ZNF562: variants seen among roughly 807,000 people sequenced by gnomAD.
ZNF562 encodes zinc finger protein 562.
Under a neutral mutation model 17.5 loss-of-function variants are expected in ZNF562, and 13 were observed. The ratio of observed to expected loss-of-function variants is 0.74; its 90% CI spans 0.48 to 1.18. The LOEUF (loss-of-function observed/expected upper bound fraction) is 1.18. Among genes scored for constraint, ZNF562 ranks in the 50% most tolerant of loss-of-function variants. The pLI is 0.00. For synonymous variants in ZNF562, 163 were observed against 165.4 expected (o/e 0.99, Z 0.11); for missense variants, 481 against 498.5 (o/e 0.96, Z 0.33).
chr19:9,667,075 A>C (rs1264968539), intron 1 of ZNF562, among the ~76,000 whole-genome samples: 2 of 152,172 alleles, frequency 1.3e-5, no homozygotes, highest in Non-Finnish European at 2.9e-5. Context: ...ACAACAACAA[A>C]ACTACACGCC....
At chr19:9,655,360 G>A (rs565098982) in intron 5 of ZNF562, among the ~76,000 whole-genome samples, 3 of 152,038 alleles carry the variant, frequency 2.0e-5, no homozygotes, top group Admixed American at 6.6e-5. Context: ...TGTACTTGTC[G>A]GTATTTTTCA....
intron 1 of ZNF562, among the ~76,000 whole-genome samples, chr19:9,672,796 T>TC (rs1332057387): frequency 6.7e-6 from 1 of 150,348 alleles, no homozygotes; most frequent in African/African-American, 2.5e-5. Flanking sequence ...TTTTTTTTTT[T>TC]TTTAGACAGT....
rs2074913378 is a variant in ZNF562 at position 9,653,615 on chromosome 19, T to C, written c.615A>G (p.Lys205=). The part of the protein sequence containing the change: ...LEILNGRQPY[K]CKECGKGFKY... ...TAAAGCCTTTTCCACATTCCTTACATTTGTAGGGTTGTCTTCCATTGAGAA... is the reference window on the plus strand; with the variant it reads ...TAAAGCCTTTTCCACATTCCTTACACTTGTAGGGTTGTCTTCCATTGAGAA... Residue 205 remains lysine, a synonymous_variant, in exon 6 of 6, where the codon AAA becomes AAG. Coordinates refer to ENST00000453372, the MANE Select transcript of ZNF562 (RefSeq NM_001130031.2). The C allele has an allele frequency of 6.2e-7, 1 of 1,613,984 alleles. No homozygotes were observed. The highest frequency in any genetic ancestry group is 1.7e-5 in the Admixed American group (1 of 59,992).
At chr19:9,665,202 C>CT (rs1599307604) in intron 1 of ZNF562, among the ~76,000 whole-genome samples, 1 of 135,616 alleles carries the variant, frequency 7.4e-6, no homozygotes, top group African/African-American at 2.8e-5. Flanking sequence ...AGCCTGGGGA[C>CT]AGAGCAAGAC....
intron 1 of ZNF562, among the ~76,000 whole-genome samples, chr19:9,662,647 C>T (rs1029747328): frequency 3.3e-5 from 5 of 151,602 alleles, no homozygotes; most frequent in South Asian, 2.1e-4. Context: ...TTGGGAGTAC[C>T]AAGGTAGGCA....
intron 2 of ZNF562, among the ~76,000 whole-genome samples, chr19:9,659,822 A>T (rs903489929): frequency 6.6e-5 from 10 of 151,272 alleles, no homozygotes; most frequent in African/African-American, 2.4e-4. Flanking sequence ...CTGGGCACAG[A>T]GGCTCATGCC....
intron 1 of ZNF562, among the ~76,000 whole-genome samples, chr19:9,666,009 TA>T (rs765492049): frequency 0.014 from 1,938 of 135,204 alleles, 14 homozygotes; most frequent in African/African-American, 0.03. Context: ...ACCTAGTCTT[TA>T]AAAAAAAAAA....
rs376523767 is a variant in ZNF562, at chr19:9,647,139, T to C, written c.*5810A>G. On this transcript the variant is annotated 3_prime_UTR_variant, in exon 6 of 6. Coordinates refer to ENST00000453372, the MANE Select transcript of ZNF562 (RefSeq NM_001130031.2). ...GCTCTGTCGTCAGGCTGGAGTGCAG[T>C]GGTGTGATCTAGGCTCATTGAAACC... The C allele has an allele frequency of 6.7e-6, 1 of 150,118 alleles. No individual in the cohort carries two copies. Among genetic ancestry groups the C allele is most frequent in the Non-Finnish European group, 1.5e-5 (1 of 67,794 alleles). 9.3% of individuals were successfully genotyped at this position (150,118 alleles called of 1,614,324 possible).
At chr19:9,656,275 C>T (rs1299105062) in intron 5 of ZNF562, among the ~76,000 whole-genome samples, 11 of 152,062 alleles carry the variant, frequency 7.2e-5, no homozygotes, top group East Asian at 1.9e-4. Context: ...TTTGGGAGGT[C>T]GAGGCAGATG....
chr19:9,646,797 G>A lies in ZNF562; in HGVS notation c.*6152C>T. ...TTTTTTTTTTTTTTTATGAGATGGA[G>A]TTTTGCTCTTGTCACCCAGGCTGGA... On this transcript the variant is annotated 3_prime_UTR_variant, in exon 6 of 6. Transcript: ENST00000453372. 1 of 142,188 alleles carries A rather than the reference G, an allele frequency of 7.0e-6. No individual in the cohort carries two copies. The allele number at this position is 142,188 out of a possible 1,614,324, so 8.8% of individuals were successfully genotyped here. A position where few individuals can be genotyped will look rare whatever the true frequency, so the allele number is the denominator to read the frequency against.
rs1231128699 is a variant in ZNF562 at position 9,658,110 on chromosome 19, G to A, written c.140C>T (p.Ala47Val). ...YQDSVTFDDV[A>V]VEFTPEEWAL... ...CCACTCCTCTGGGGTGAACTCCACA[G>A]CCACATCATCAAACGTCACTGAATC... is the stretch of plus-strand genomic sequence containing the variant. Residue 47 changes from alanine (A) to valine (V), a missense_variant, in exon 4 of 6, where the codon GCT (alanine) becomes GTT (valine). This residue lies in a region of ZNF562 where 403 missense variants were observed against 386.4 expected (regional missense o/e 1.04). Transcript: ENST00000453372. 3 of 1,613,670 alleles carry A rather than the reference G, an allele frequency of 1.9e-6. No individual in the cohort carries two copies. The highest frequency in any genetic ancestry group is 1.7e-6 in the Non-Finnish European group (2 of 1,179,752).
At chr19:9,664,985 G>T (rs144621429) in intron 1 of ZNF562, among the ~76,000 whole-genome samples, 5,083 of 152,282 alleles carry the variant, frequency 0.033, 287 homozygotes, top group African/African-American at 0.12. Flanking sequence ...ACTTTGGGAG[G>T]CCAAGGCAGG....
chr19:9,670,770 C>T (rs1450809004), intron 1 of ZNF562, among the ~76,000 whole-genome samples: 1 of 152,060 alleles, frequency 6.6e-6, no homozygotes, highest in Non-Finnish European at 1.5e-5. Flanking sequence ...GGGCAGATCA[C>T]CCTGATTATG....
chr19:9,669,722 GCGCGCGCGCGCGCACACA>G lies in ZNF562; in HGVS notation c.-131+5275_-131+5292del, dbSNP rs1376035135. Among the ~76,000 whole-genome samples the G allele has an allele frequency of 4.8e-3, 466 of 97,448 alleles. 6 individuals carry two copies. Among genetic ancestry groups the G allele is most frequent in the Admixed American group, 0.022 (220 of 10,170 alleles). 63.9% of individuals were successfully genotyped at this position (97,448 alleles called of 152,430 possible). A position where few individuals can be genotyped will look rare whatever the true frequency, so the allele number is the denominator to read the frequency against. On this transcript the variant is annotated intron_variant, in intron 1 of 5. Coordinates refer to ENST00000453372, the MANE Select transcript of ZNF562 (RefSeq NM_001130031.2). The stretch of plus-strand genomic sequence containing the variant: ...TGTCTGCATGCACGCGCGCGAGCGC[GCGCGCGCGCGCGCACACA>G]CACACACACACACACACACACACAC...
chr19:9,673,147 C>T (rs1373288768), intron 1 of ZNF562, among the ~76,000 whole-genome samples: 1 of 152,114 alleles, frequency 6.6e-6, no homozygotes, highest in Non-Finnish European at 1.5e-5. Flanking sequence ...ACTCACACAT[C>T]CCCCTACCCT....
chr19:9,657,649 C>A (rs774712639), intron 4 of ZNF562, among the ~76,000 whole-genome samples: 3 of 150,910 alleles, frequency 2.0e-5, no homozygotes, highest in Non-Finnish European at 3.0e-5. Context: ...TGGGTTCAAG[C>A]GATTCTACTG....
In ZNF562 at chr19:9,648,791, T is replaced by C. The variant is rs973667759; in HGVS notation, c.*4158A>G. 3.3e-5 allele frequency: 5 copies of C among 152,040 alleles called. No individual in the cohort carries two copies. Among genetic ancestry groups the C allele is most frequent in the East Asian group, 3.9e-4 (2 of 5,190 alleles). 9.4% of individuals were successfully genotyped at this position (152,040 alleles called of 1,614,324 possible). A position where few individuals can be genotyped will look rare whatever the true frequency, so the allele number is the denominator to read the frequency against. ...AGGCATGCATCACCACATCATTTCA[T>C]TGAAGTATTTATTAGGTACCATCAT... On this transcript the variant is annotated 3_prime_UTR_variant, in exon 6 of 6. Coordinates refer to ENST00000453372, the MANE Select transcript of ZNF562 (RefSeq NM_001130031.2).
intron 1 of ZNF562, among the ~76,000 whole-genome samples, chr19:9,665,939 G>A (rs1771000313): frequency 6.6e-6 from 1 of 151,482 alleles, no homozygotes; most frequent in African/African-American, 2.4e-5. Flanking sequence ...AGCATGGGAG[G>A]TAGAGGATGC....
At chr19:9,669,728 G>GCACACACA (rs1456853171) in intron 1 of ZNF562, among the ~76,000 whole-genome samples, 3 of 84,808 alleles carry the variant, frequency 3.5e-5, no homozygotes, top group African/African-American at 1.4e-4. Flanking sequence ...GCGCGCGCGC[G>GCACACACA]CGCGCGCACA....
Sources: allele counts gnomAD v4.1 joint callset (sites outside exome capture counted in the v4.1 genomes callset), GRCh38; gene constraint gnomAD v4.1.1; regional missense constraint gnomAD v4.1.1; transcripts MANE v1.5; gene names NCBI Gene and HGNC (gene_info 2026-07-23, HGNC 2026-07-21).